Variants in CALN1 observed in about 807,000 individuals in gnomAD.
CALN1 encodes the protein calcium-binding protein 8.
In CALN1, 17 loss-of-function variants were observed where a neutral mutation model predicts 30.6. The observed-to-expected ratio is 0.56, with a 90% CI of 0.38 to 0.83. The LOEUF is 0.83. Among genes scored for constraint, CALN1 ranks in the 40% least tolerant of loss-of-function variants. CALN1 has a pLI of 0.00. For synonymous variants in CALN1, 156 were observed against 131.4 expected (o/e 1.19, Z -1.28); for missense variants, 291 against 354.9 (o/e 0.82, Z 1.45).
chr7:71,795,963 C>A (rs1317451167), intron 6 of CALN1, among the ~76,000 whole-genome samples: 1 of 151,208 alleles, frequency 6.6e-6, no homozygotes, highest in Non-Finnish European at 1.5e-5. Flanking sequence ...GGACTACAGG[C>A]ACCCGCCACC....
At chr7:72,186,066 G>A (rs7780692) in intron 3 of CALN1, among the ~76,000 whole-genome samples, 41,238 of 151,908 alleles carry the variant, frequency 0.27, 6,375 homozygotes, top group Non-Finnish European at 0.35. Flanking sequence ...AGAAGGAGAG[G>A]TAAGGGCAGA....
chr7:71,882,650 C>T (rs1792642320), intron 5 of CALN1, among the ~76,000 whole-genome samples: 1 of 151,988 alleles, frequency 6.6e-6, no homozygotes. Flanking sequence ...GAATAGTCTT[C>T]CCCCAATACT....
At chr7:72,296,954 G>A (rs1193194064) in intron 2 of CALN1, among the ~76,000 whole-genome samples, 5 of 151,896 alleles carry the variant, frequency 3.3e-5, no homozygotes, top group East Asian at 1.9e-4. Flanking sequence ...TGATGTTAGG[G>A]TGTCAATTTT....
chr7:71,838,002 T>C (rs571110802), intron 5 of CALN1, among the ~76,000 whole-genome samples: 3 of 152,178 alleles, frequency 2.0e-5, no homozygotes, highest in Admixed American at 6.5e-5. Context: ...CACTGATTAG[T>C]AGATTAACGT....
At chr7:72,311,391 A>T (rs1321824240) in intron 2 of CALN1, among the ~76,000 whole-genome samples, 1 of 151,894 alleles carries the variant, frequency 6.6e-6, no homozygotes, top group South Asian at 2.1e-4. Flanking sequence ...TTTTGGGGGG[A>T]GTCAAAAGTT....
intron 5 of CALN1, among the ~76,000 whole-genome samples, chr7:72,004,531 A>C (rs1046138163): frequency 2.6e-5 from 4 of 152,206 alleles, no homozygotes; most frequent in African/African-American, 7.2e-5. Flanking sequence ...AAAATCGAAA[A>C]GCTAGACCAC....
chr7:71,932,868 A>AGAT (rs1046135414), intron 5 of CALN1, among the ~76,000 whole-genome samples: 1 of 151,734 alleles, frequency 6.6e-6, no homozygotes, highest in African/African-American at 2.4e-5. Context: ...GGGTATGGGA[A>AGAT]GATTTTTATT....
chr7:71,932,905 C>T lies in CALN1; in HGVS notation c.501+90752G>A, dbSNP rs1795635676. ...TGATACGCTTCTCCCCATTCATAAT[C>T]ACTACTTTTGACAATTCCAGATAGG... On this transcript the variant is annotated intron_variant, in intron 5 of 6. Transcript: ENST00000395275. 2.6e-5 allele frequency among the ~76,000 whole-genome samples: 4 copies of T among 151,634 alleles called. No homozygotes were observed. In the South Asian group the frequency reaches 8.3e-4, roughly 32 times the overall value.
At chr7:71,956,889 G>C (rs1178103737) in intron 5 of CALN1, among the ~76,000 whole-genome samples, 5 of 151,910 alleles carry the variant, frequency 3.3e-5, no homozygotes, top group African/African-American at 9.7e-5. Context: ...TGGAGGTGAG[G>C]TTTCACCATG....
chr7:72,205,573 T>TACACAC (rs1791803854), intron 3 of CALN1, among the ~76,000 whole-genome samples: 1 of 120,728 alleles, frequency 8.3e-6, no homozygotes, highest in African/African-American at 4.0e-5. Flanking sequence ...TATATGTATA[T>TACACAC]ATATATATAT....
chr7:72,271,575 A>AAATATATATATATATATATATAT, intron 3 of CALN1, among the ~76,000 whole-genome samples: 19 of 52,128 alleles, frequency 3.6e-4, no homozygotes, highest in Non-Finnish European at 4.9e-4. Flanking sequence ...AAAAAAAAAA[A>AAATATATATATATATATATATAT]ATATATATAT....
At chr7:72,331,354 A>C (rs946195541) in intron 2 of CALN1, among the ~76,000 whole-genome samples, 1 of 152,190 alleles carries the variant, frequency 6.6e-6, no homozygotes, top group Admixed American at 6.5e-5. Flanking sequence ...CATCAAAAAA[A>C]AGAAAGAAAA....
the CALN1 span, among the ~76,000 whole-genome samples, chr7:72,475,191 C>T: frequency 1.1e-4 from 17 of 152,192 alleles, 1 homozygote; most frequent in East Asian, 2.3e-3. Flanking sequence ...TGGCAGGGTG[C>T]GGTGGCTCAG....
At chr7:72,365,063 G>C (rs1190184717) in intron 2 of CALN1, among the ~76,000 whole-genome samples, 1 of 152,072 alleles carries the variant, frequency 6.6e-6, no homozygotes, top group Non-Finnish European at 1.5e-5. Context: ...CCAGCACTTT[G>C]GGAGGCCAAG....
intron 2 of CALN1, among the ~76,000 whole-genome samples, chr7:72,327,525 T>C (rs1013364479): frequency 6.6e-6 from 1 of 150,760 alleles, no homozygotes; most frequent in African/African-American, 2.4e-5. Context: ...CATTGAACGT[T>C]TTTCTTTTCC....
intron 3 of CALN1, among the ~76,000 whole-genome samples, chr7:72,237,850 A>T (rs889012749): frequency 6.6e-6 from 1 of 152,224 alleles, no homozygotes; most frequent in South Asian, 2.1e-4. Context: ...CATGTTTAAC[A>T]AGGAGTGCCC....
chr7:71,851,513 G>C (rs1262391461), intron 5 of CALN1, among the ~76,000 whole-genome samples: 1 of 151,074 alleles, frequency 6.6e-6, no homozygotes, highest in East Asian at 1.9e-4. Flanking sequence ...GTGAGGCCGT[G>C]TCTCAAAAAA....
chr7:71,984,310 T>G (rs7797544), intron 5 of CALN1, among the ~76,000 whole-genome samples: 5,853 of 152,242 alleles, frequency 0.038, 315 homozygotes, highest in African/African-American at 0.13. Context: ...CAAGTAGAAT[T>G]AAATGCTTGA....
the CALN1 span, among the ~76,000 whole-genome samples, chr7:72,475,272 G>T: frequency 6.6e-6 from 1 of 152,078 alleles, no homozygotes; most frequent in African/African-American, 2.4e-5. Context: ...TGGCAAACAT[G>T]GTGAAACCTC....
Sources: gnomAD v4.1 joint callset for allele counts (sites outside exome capture counted in the v4.1 genomes callset) on GRCh38, gnomAD v4.1.1 for gene constraint, MANE v1.5 for transcripts, NCBI Gene and HGNC (gene_info 2026-07-23, HGNC 2026-07-21) for gene names.